The following DLG1 variants were observed in gnomAD, a reference collection of about 807,000 sequenced individuals.
The protein encoded by DLG1 is discs large MAGUK scaffold protein 1.
Under a neutral mutation model 123.4 loss-of-function variants are expected in DLG1, and 42 were observed. The observed-to-expected ratio is 0.34, with a 90% CI of 0.27 to 0.44. The LOEUF is 0.44. Ranked by LOEUF, DLG1 falls within the 20% of genes least tolerant of loss-of-function variation. The pLI is 1.00. For synonymous variants in DLG1, 317 were observed against 356.2 expected (o/e 0.89, Z 1.24); for missense variants, 942 against 1,082.6 (o/e 0.87, Z 1.82).
intron 9 of DLG1, among the ~76,000 whole-genome samples, chr3:197,137,097 T>G (rs1316209596): frequency 6.6e-6 from 1 of 152,238 alleles, no homozygotes; most frequent in Admixed American, 6.5e-5. Flanking sequence ...TGAATACCTT[T>G]GTTCTTCTTC....
At chr3:197,253,811 C>T (rs1578781692) in intron 4 of DLG1, among the ~76,000 whole-genome samples, 1 of 151,824 alleles carries the variant, frequency 6.6e-6, no homozygotes, top group South Asian at 2.1e-4. Flanking sequence ...TGATACTATG[C>T]TAGAGTTACT....
At chr3:197,247,730 G>C (rs1437039801) in intron 4 of DLG1, among the ~76,000 whole-genome samples, 1 of 152,108 alleles carries the variant, frequency 6.6e-6, no homozygotes, top group Non-Finnish European at 1.5e-5. Context: ...ATTTTAACAT[G>C]AGACCTAAGG....
intron 16 of DLG1, among the ~76,000 whole-genome samples, chr3:197,084,243 AATAT>A (rs1752837660): frequency 6.6e-6 from 1 of 152,040 alleles, no homozygotes; most frequent in South Asian, 2.1e-4. Flanking sequence ...ACACTGATTT[AATAT>A]ATACTTACTT....
intron 5 of DLG1, chr3:197,183,563 G>A (rs1713861614): frequency 1.3e-6 from 2 of 1,546,510 alleles, no homozygotes; most frequent in Non-Finnish European, 1.7e-6. Context: ...ATTTCAACAA[G>A]TGGTATGTTA....
At chr3:197,059,791 A>T (rs892309577) in intron 23 of DLG1, 98 bp downstream of exon 23, 7 of 767,690 alleles carry the variant, frequency 9.1e-6, no homozygotes, top group Non-Finnish European at 1.5e-5. Context: ...CTATTATCTC[A>T]ATTTTATAGA....
In DLG1 at chr3:197,064,275, C is replaced by A. The variant is rs1016829099; in HGVS notation, c.2373+1001G>T. 2.6e-5 allele frequency among the ~76,000 whole-genome samples: 4 copies of A among 151,830 alleles called. No homozygotes were observed. The East Asian group carries it at 5.8e-4, about 22-fold the overall frequency. ...ACGGCACGACCTCGGCTCACTGCAA[C>A]CTCCACCTCCCAGGTACAAGCAATT... On this transcript the variant is annotated intron_variant, in intron 22 of 24. Coordinates refer to ENST00000667157, the MANE Select transcript of DLG1 (RefSeq NM_001366207.1).
intron 4 of DLG1, among the ~76,000 whole-genome samples, chr3:197,247,917 C>T (rs988830245): frequency 4.6e-5 from 7 of 152,114 alleles, no homozygotes; most frequent in East Asian, 1.9e-4. Context: ...CTTCTTGTTT[C>T]GCTTCACCCT....
chr3:197,085,680 G>A lies in DLG1; in HGVS notation c.1738C>T (p.Leu580Phe). The A allele has an allele frequency of 6.2e-7, 1 of 1,613,742 alleles. No individual in the cohort carries two copies. The highest frequency in any genetic ancestry group is 1.3e-5 in the African/African-American group (1 of 74,904). The change falls in exon 16 of 25, where the codon CTC (leucine) becomes TTC (phenylalanine). Residue 580 changes from leucine to phenylalanine, a missense_variant. By Grantham distance (22) the Leu-to-Phe change is conservative. Coordinates refer to ENST00000667157, the MANE Select transcript of DLG1 (RefSeq NM_001366207.1). Reference sequence around the variant, plus strand: ...TCATCAGAAGCATTAATAACATGGAGGATATCTCCAAATTTGAAGTTCAGT... The same window carrying A: ...TCATCAGAAGCATTAATAACATGGAAGATATCTCCAAATTTGAAGTTCAGT... ...QGLNFKFGDI[L>F]HVINASDDEW...
chr3:197,224,910 C>T (rs145628106), intron 4 of DLG1, among the ~76,000 whole-genome samples: 4 of 152,156 alleles, frequency 2.6e-5, no homozygotes, highest in Admixed American at 6.5e-5. Flanking sequence ...CCAAATACTA[C>T]GTTAGAGGGC....
At chr3:197,218,744 A>G (rs1735332465) in intron 4 of DLG1, among the ~76,000 whole-genome samples, 1 of 152,224 alleles carries the variant, frequency 6.6e-6, no homozygotes, top group South Asian at 2.1e-4. Context: ...AGGTTCCTAA[A>G]GCCAACCCAT....
chr3:197,069,182 C>A (rs1381308498), intron 19 of DLG1, 37 bp downstream of exon 19: 1 of 1,510,292 alleles, frequency 6.6e-7, no homozygotes, highest in Non-Finnish European at 9.0e-7. Context: ...ATGTATTACT[C>A]GAGATTACAA....
intron 14 of DLG1, among the ~76,000 whole-genome samples, chr3:197,101,618 T>C (rs994382778): frequency 6.6e-6 from 1 of 152,124 alleles, no homozygotes; most frequent in African/African-American, 2.4e-5. Context: ...CTCTATCTCC[T>C]GACCTCGTGA....
rs147961843 is a variant in DLG1, at chr3:197,297,741, G to C, written c.-31-506C>G. ...GGACAGGGCAGCGGCCGCTCTCCGC[G>C]ACGCCCTCGCGCCCCGCATGCACAC... is the stretch of plus-strand genomic sequence containing the variant. On this transcript the variant is annotated intron_variant, in intron 1 of 24. Coordinates refer to ENST00000667157, the MANE Select transcript of DLG1 (RefSeq NM_001366207.1). 1,861 of 986,316 alleles carry C rather than the reference G, an allele frequency of 1.9e-3. 4 individuals are homozygous for C. Among genetic ancestry groups the C allele is most frequent in the Non-Finnish European group, 2.1e-3 (1,739 of 830,586 alleles). 61.1% of individuals were successfully genotyped at this position (986,316 alleles called of 1,614,324 possible).
intron 12 of DLG1, among the ~76,000 whole-genome samples, chr3:197,117,806 T>C (rs1774135784): frequency 6.6e-6 from 1 of 152,178 alleles, no homozygotes; most frequent in African/African-American, 2.4e-5. Context: ...TAAAAATAGT[T>C]AAAATGTCAA....
chr3:197,214,935 C>A (rs980762906), intron 4 of DLG1, among the ~76,000 whole-genome samples: 1 of 152,152 alleles, frequency 6.6e-6, no homozygotes, highest in African/African-American at 2.4e-5. Context: ...CACAAAACCA[C>A]AAATGCCCAA....
intron 8 of DLG1, 66 bp downstream of exon 8, chr3:197,140,074 T>A (rs979381802): frequency 6.4e-7 from 1 of 1,557,442 alleles, no homozygotes; most frequent in South Asian, 1.2e-5. Context: ...TTATCCCTTA[T>A]CCAGTCTGCT....
intron 22 of DLG1, among the ~76,000 whole-genome samples, chr3:197,060,567 TGA>T (rs1735080747): frequency 6.6e-6 from 1 of 152,178 alleles, no homozygotes; most frequent in African/African-American, 2.4e-5. Context: ...AACAAATTTG[TGA>T]AACCTCATTG....
chr3:197,152,419 C>CTTTTTTT (rs768327685), intron 5 of DLG1, among the ~76,000 whole-genome samples: 26 of 94,680 alleles, frequency 2.7e-4, no homozygotes, highest in Non-Finnish European at 3.6e-4. Context: ...ATCCCAAAGT[C>CTTTTTTT]TTTTTTTTTT....
intron 4 of DLG1, among the ~76,000 whole-genome samples, chr3:197,201,175 A>G (rs1227222753): frequency 6.6e-6 from 1 of 152,200 alleles, no homozygotes; most frequent in Non-Finnish European, 1.5e-5. Context: ...CGAGGTCAGG[A>G]GATCGAGACC....
Sources: allele counts gnomAD v4.1 joint callset (sites outside exome capture counted in the v4.1 genomes callset), GRCh38; gene constraint gnomAD v4.1.1; transcripts MANE v1.5; gene names NCBI Gene and HGNC (gene_info 2026-07-23, HGNC 2026-07-21).